The following AHSG variants were observed in gnomAD, a reference collection of about 807,000 sequenced individuals.
The protein encoded by AHSG is alpha 2-HS glycoprotein.
AHSG carries 23 observed loss-of-function variants against 30.1 expected under a neutral mutation model. That is an observed-to-expected ratio of 0.76 (90% CI 0.55 to 1.08). AHSG has a LOEUF of 1.08. AHSG is among the 50% of genes least tolerant of loss of function. The pLI, the probability that AHSG is intolerant of heterozygous loss-of-function variation, is 0.00. For synonymous variants in AHSG, 164 were observed against 186.3 expected (o/e 0.88, Z 0.98); for missense variants, 469 against 459.5 (o/e 1.02, Z -0.19).
intron 3 of AHSG, among the ~76,000 whole-genome samples, chr3:186,616,981 T>C (rs1337111913): frequency 6.6e-6 from 1 of 152,202 alleles, no homozygotes; most frequent in Non-Finnish European, 1.5e-5. Context: ...TAAGAAGTTA[T>C]TCTTACTGGA....
chr3:186,616,704 T>C (rs1716315189), intron 3 of AHSG, among the ~76,000 whole-genome samples, 177 bp downstream of exon 3: 1 of 152,194 alleles, frequency 6.6e-6, no homozygotes, highest in South Asian at 2.1e-4. Context: ...CTTGGCCTGG[T>C]GCGGTGGCTC....
At chr3:186,615,974 T>A (rs1716291595) in intron 2 of AHSG, among the ~76,000 whole-genome samples, 179 bp downstream of exon 2, 1 of 152,188 alleles carries the variant, frequency 6.6e-6, no homozygotes, top group African/African-American at 2.4e-5. Context: ...GGCAAGTGGA[T>A]CGCCTGAGGT....
Position 186,617,323 on chromosome 3 carries a change from G to A in AHSG, c.546G>A (p.Leu182=). Residue 182 remains leucine, a synonymous_variant, in exon 4 of 7, where the codon CTG becomes CTA. Transcript: ENST00000411641. ...NAQNNGSNFQ[L]EEISRAQLVP... is the part of the protein sequence containing the mutation. ...AGAACAACGGCTCCAATTTTCAGCT[G>A]GAGGAAATTTCCCGGGCTCAGCTTG... 1.2e-6 allele frequency: 2 copies of A among 1,614,232 alleles called. No homozygotes were observed. Among genetic ancestry groups the A allele is most frequent in the Non-Finnish European group, 1.7e-6 (2 of 1,180,044 alleles).
At chr3:186,619,970 A>G in intron 6 of AHSG, 30 bp downstream of exon 6, 1 of 1,554,124 alleles carries the variant, frequency 6.4e-7, no homozygotes, top group Non-Finnish European at 8.8e-7. Flanking sequence ...TCTTGCCTAC[A>G]CCTTCAGAAT....
Position 186,621,041 on chromosome 3 carries a change from G to T in AHSG, c.*111G>T. ...TCTGCTGGCCACGCAAGTGTCACAT[G>T]CGATCTACATTAATATCAAGTCTTG... On this transcript the variant is annotated 3_prime_UTR_variant, in exon 7 of 7. Transcript: ENST00000411641. 1.0e-6 allele frequency: 1 copy of T among 1,002,848 alleles called. No individual in the cohort carries two copies. The highest frequency in any genetic ancestry group is 1.5e-6 in the Non-Finnish European group (1 of 680,846). The allele number at this position is 1,002,848 out of a possible 1,614,324, so 62.1% of individuals were successfully genotyped here.
chr3:186,617,342 C>A lies in AHSG; in HGVS notation c.565C>A (p.Gln189Lys), dbSNP rs901309276. The change falls in exon 4 of 7, where the codon CAG (glutamine) becomes AAG (lysine). Residue 189 changes from glutamine to lysine, a missense_variant. Transcript: ENST00000411641. ...NFQLEEISRA[Q>K]LVPLPPSTYV... The stretch of plus-strand genomic sequence containing the variant: ...TCAGCTGGAGGAAATTTCCCGGGCT[C>A]AGCTTGTGGTAAAGACTGAGATTCT... 3 of 1,614,084 alleles carry A rather than the reference C, an allele frequency of 1.9e-6. No individual in the cohort carries two copies. The highest frequency in any genetic ancestry group is 3.3e-5 in the Admixed American group (2 of 59,998).
intron 4 of AHSG, chr3:186,618,064 T>G (rs1716363988): frequency 1.3e-5 from 2 of 159,048 alleles, no homozygotes; most frequent in African/African-American, 4.8e-5. Context: ...AAGTGATATC[T>G]TCCATACTTT....
chr3:186,614,842 G>C (rs758643892), intron 1 of AHSG, among the ~76,000 whole-genome samples: 5 of 152,204 alleles, frequency 3.3e-5, no homozygotes, highest in Non-Finnish European at 7.3e-5. Flanking sequence ...CAGAACCAAT[G>C]AGAGGCAAAC....
intron 2 of AHSG, 136 bp from the exon 3 acceptor site, chr3:186,616,307 C>A: frequency 1.6e-6 from 1 of 615,714 alleles, no homozygotes; most frequent in Non-Finnish European, 2.9e-6. Flanking sequence ...TCCCTGAAAG[C>A]AGAGAGTGCC....
chr3:186,620,977 AC>A lies in AHSG; in HGVS notation c.*49del. The A allele has an allele frequency of 6.4e-7, 1 of 1,567,096 alleles. No individual in the cohort carries two copies. Among genetic ancestry groups the A allele is most frequent in the Non-Finnish European group, 8.7e-7 (1 of 1,149,244 alleles). ...GAGGTTTGGCACAGAAAACATAGCC[AC>A]CATTTTGTCCAAGCCTGGGCATGGG... is the stretch of plus-strand genomic sequence containing the variant. On this transcript the variant is annotated 3_prime_UTR_variant, in exon 7 of 7. Coordinates refer to ENST00000411641, the MANE Select transcript of AHSG (RefSeq NM_001622.4).
At chr3:186,616,570 A>T (rs567591601) in intron 3 of AHSG, 43 bp downstream of exon 3, 4 of 1,481,566 alleles carry the variant, frequency 2.7e-6, no homozygotes, top group Non-Finnish European at 3.7e-6. Context: ...CTTGTAGAGA[A>T]AGTGGGGAAG....
chr3:186,619,254 G>A (rs1307914741), intron 5 of AHSG, among the ~76,000 whole-genome samples: 1 of 152,088 alleles, frequency 6.6e-6, no homozygotes, highest in Non-Finnish European at 1.5e-5. Flanking sequence ...CTAAGATCGT[G>A]CCACTGCACT....
Position 186,613,449 on chromosome 3 carries a change from C to G in AHSG, c.213+95C>G, listed in dbSNP as rs555254969. 10 of 1,142,452 alleles carry G rather than the reference C, an allele frequency of 8.8e-6. No individual in the cohort carries two copies. In the Admixed American group the frequency reaches 2.4e-4, roughly 27 times the overall value. 70.8% of individuals were successfully genotyped at this position (1,142,452 alleles called of 1,614,324 possible). A position where few individuals can be genotyped will look rare whatever the true frequency, so the allele number is the denominator to read the frequency against. On this transcript the variant is annotated intron_variant, in intron 1 of 6. Coordinates refer to ENST00000411641, the MANE Select transcript of AHSG (RefSeq NM_001622.4). ...CACCATCACCCAGTGCAAATGAAAC[C>G]ACAGAGGAGTAAATTCTCTGATTTC... is the stretch of plus-strand genomic sequence containing the variant.
intron 1 of AHSG, 95 bp from the exon 2 acceptor site, chr3:186,615,590 G>A (rs1716270923): frequency 8.8e-6 from 8 of 910,542 alleles, no homozygotes; most frequent in South Asian, 6.8e-5. Context: ...CTCCAAAAGC[G>A]GGGTGCTCTC....
chr3:186,620,542 G>A, intron 6 of AHSG, 44 bp from the exon 7 acceptor site: 1 of 1,527,074 alleles, frequency 6.5e-7, no homozygotes, highest in African/African-American at 1.4e-5. Context: ...GTCTTGCCTG[G>A]GAGGAGGAAG....
At chr3:186,613,399 A>T (rs372710730) in intron 1 of AHSG, 45 bp downstream of exon 1, 124 of 1,515,318 alleles carry the variant, frequency 8.2e-5, no homozygotes, top group Middle Eastern at 1.7e-4. Context: ...GTGTACATGG[A>T]GCTCAATCAG....
At position 186,613,180 on chromosome 3, in the gene AHSG, C is replaced by G. The variant is rs4831; in HGVS notation, c.39C>G (p.Leu13=). The part of the protein sequence containing the change: ...SLVLLLCLAQ[L]WGCHSAPHGP... ...TCCTGCTCCTTTGTCTTGCTCAGCT[C>G]TGGGGCTGCCACTCAGCCCCACATG... The change falls in exon 1 of 7, where the codon CTC becomes CTG. Residue 13 remains leucine (L), a synonymous_variant. Transcript: ENST00000411641. The G allele has an allele frequency of 0.15, 247,675 of 1,613,722 alleles. 21,309 individuals are homozygous for G. Among genetic ancestry groups the G allele is most frequent in the African/African-American group, 0.33 (25,064 of 74,886 alleles).
At chr3:186,617,083 C>T (rs752189487) in intron 3 of AHSG, 104 bp from the exon 4 acceptor site, 2 of 1,516,260 alleles carry the variant, frequency 1.3e-6, no homozygotes, top group Non-Finnish European at 1.8e-6. Flanking sequence ...AGAGAAAGTG[C>T]CTGAAGCTAT....
At chr3:186,619,988 C>T in intron 6 of AHSG, 48 bp downstream of exon 6, 1 of 1,439,280 alleles carries the variant, frequency 6.9e-7, no homozygotes, top group Non-Finnish European at 9.6e-7. Flanking sequence ...AATACAATGA[C>T]CCCTTCACAT....
Sources: gnomAD v4.1 joint callset for allele counts (sites outside exome capture counted in the v4.1 genomes callset) on GRCh38, gnomAD v4.1.1 for gene constraint, MANE v1.5 for transcripts, NCBI Gene and HGNC (gene_info 2026-07-23, HGNC 2026-07-21) for gene names.